The following MYH15 variants were observed in gnomAD, a reference collection of about 807,000 sequenced individuals.
MYH15 encodes the protein myosin-15.
A neutral mutation model predicts 240.5 loss-of-function variants in MYH15; 227 were observed. The ratio of observed to expected loss-of-function variants is 0.94; its 90% CI spans 0.85 to 1.05. MYH15 has a LOEUF of 1.05. MYH15 is among the 50% of genes least tolerant of loss of function. MYH15 has a pLI of 0.00. For missense variants in MYH15, 2,217 were observed against 2,247.5 expected, an observed-to-expected ratio of 0.99 and a Z score of 0.27; for synonymous variants, 785 against 796.7, an observed-to-expected ratio of 0.99 and a Z score of 0.25.
intron 33 of MYH15, among the ~76,000 whole-genome samples, chr3:108,402,329 C>T (rs1043493548): frequency 6.6e-6 from 1 of 152,130 alleles, no homozygotes; most frequent in African/African-American, 2.4e-5. Flanking sequence ...ATTAAGACCA[C>T]GTGGCAAAGT....
At chr3:108,535,515 T>C in the MYH15 span, among the ~76,000 whole-genome samples, 13 of 152,058 alleles carry the variant, frequency 8.5e-5, no homozygotes, top group African/African-American at 1.2e-4. Context: ...TATCATCATA[T>C]TGGGAGTTAG....
rs2082617801 is a variant in MYH15 at position 108,414,361 on chromosome 3, T to C, written c.4016A>G (p.Tyr1339Cys). The change falls in exon 30 of 41, where the codon TAT becomes TGT. Residue 1339 changes from tyrosine to cysteine, a missense_variant. Physicochemically the swap from Tyr to Cys is radical, Grantham distance 194. Transcript: ENST00000693548. ...QRDCDLLREQ[Y>C]EEEQEVKAEL... is the part of the protein sequence containing the mutation. ...AGCCTTGACCTCTTGTTCTTCCTCA[T>C]ACTGCTCTCGTAGAAGGTCACAGTC... is the stretch of plus-strand genomic sequence containing the variant. 6.2e-7 allele frequency: 1 copy of C among 1,614,206 alleles called. No homozygotes were observed. Among genetic ancestry groups the C allele is most frequent in the South Asian group, 1.1e-5 (1 of 91,084 alleles).
At chr3:108,455,696 C>A (rs772469052) in intron 20 of MYH15, 40 bp downstream of exon 20, 4 of 1,604,378 alleles carry the variant, frequency 2.5e-6, no homozygotes, top group Non-Finnish European at 2.6e-6. Flanking sequence ...GTCTTCCCCC[C>A]ATTCGTCTCC....
At chr3:108,519,598 G>A (rs74906043) in intron 1 of MYH15, among the ~76,000 whole-genome samples, 4,312 of 152,220 alleles carry the variant, frequency 0.028, 225 homozygotes, top group African/African-American at 0.098. Flanking sequence ...AACTAAGATC[G>A]AGGGCTATAC....
intron 38 of MYH15, among the ~76,000 whole-genome samples, chr3:108,388,528 C>A (rs545366631): frequency 2.6e-5 from 4 of 152,148 alleles, no homozygotes; most frequent in African/African-American, 9.6e-5. Flanking sequence ...TGAGTGTTTG[C>A]GCAACCAGAA....
At chr3:108,439,175 C>A (rs1253800723) in intron 24 of MYH15, among the ~76,000 whole-genome samples, 2 of 152,080 alleles carry the variant, frequency 1.3e-5, no homozygotes, top group African/African-American at 4.8e-5. Flanking sequence ...AATTATGAAC[C>A]CACACATTGA....
chr3:108,501,881 T>C, intron 2 of MYH15, 26 bp from the exon 3 acceptor site: 3 of 1,608,322 alleles, frequency 1.9e-6, no homozygotes, highest in Non-Finnish European at 1.7e-6. Flanking sequence ...AAATATATGA[T>C]ATATTCCCCT....
At chr3:108,425,372 ATACTT>A (rs990194656) in intron 27 of MYH15, among the ~76,000 whole-genome samples, 1 of 152,226 alleles carries the variant, frequency 6.6e-6, no homozygotes, top group African/African-American at 2.4e-5. Context: ...AATATTCTAA[ATACTT>A]TACAAATATT....
chr3:108,441,740 T>C lies in MYH15; in HGVS notation c.2656-480A>G, dbSNP rs539495976. ...TTTAATATACATCTCTTCTAATAAATTGAGCTGAGTCATATGTTTTTTAAA... is the reference window on the plus strand; with the variant it reads ...TTTAATATACATCTCTTCTAATAAACTGAGCTGAGTCATATGTTTTTTAAA... On this transcript the variant is annotated intron_variant, in intron 22 of 40. Coordinates refer to ENST00000693548, the MANE Select transcript of MYH15 (RefSeq NM_014981.3). Among the ~76,000 whole-genome samples, 4 of 152,356 alleles carry C rather than the reference T, an allele frequency of 2.6e-5. No individual in the cohort carries two copies. The South Asian group carries it at 8.3e-4, about 32-fold the overall frequency.
chr3:108,531,652 CCA>C (rs1360240533), upstream of MYH15, among the ~76,000 whole-genome samples: 1 of 151,912 alleles, frequency 6.6e-6, no homozygotes, highest in Non-Finnish European at 1.5e-5. Flanking sequence ...TGGTGGGCAC[CCA>C]TAGTCCCAGC....
At chr3:108,519,602 G>A (rs1438609676) in intron 1 of MYH15, among the ~76,000 whole-genome samples, 2 of 152,134 alleles carry the variant, frequency 1.3e-5, no homozygotes, top group African/African-American at 2.4e-5. Flanking sequence ...AAGATCGAGG[G>A]CTATACTTTT....
chr3:108,542,233 T>C, the MYH15 span, among the ~76,000 whole-genome samples: 1 of 152,176 alleles, frequency 6.6e-6, no homozygotes, highest in Non-Finnish European at 1.5e-5. Flanking sequence ...ACATTTATTA[T>C]AATTAACGAA....
intron 35 of MYH15, among the ~76,000 whole-genome samples, chr3:108,397,254 T>G (rs1332293578): frequency 1.3e-5 from 2 of 152,172 alleles, no homozygotes; most frequent in Non-Finnish European, 2.9e-5. Flanking sequence ...TATCTCAGCA[T>G]GATTTCTGAT....
chr3:108,549,179 A>T, the MYH15 span, among the ~76,000 whole-genome samples: 3 of 152,138 alleles, frequency 2.0e-5, no homozygotes, highest in East Asian at 5.8e-4. Flanking sequence ...GGAAATGGAC[A>T]TGCATACACA....
At chr3:108,496,034 A>G (rs149561120) in intron 6 of MYH15, among the ~76,000 whole-genome samples, 162 bp from the exon 7 acceptor site, 2 of 152,340 alleles carry the variant, frequency 1.3e-5, no homozygotes, top group East Asian at 3.9e-4. Flanking sequence ...GAGAAATCAG[A>G]AAAACAGTTG....
the MYH15 span, among the ~76,000 whole-genome samples, chr3:108,535,420 G>A: frequency 6.6e-6 from 1 of 152,150 alleles, no homozygotes; most frequent in Non-Finnish European, 1.5e-5. Flanking sequence ...GGTCTCTCTT[G>A]AGCCTCTTTT....
intron 11 of MYH15, among the ~76,000 whole-genome samples, chr3:108,484,855 C>T (rs2083293226): frequency 6.6e-6 from 1 of 152,102 alleles, no homozygotes; most frequent in Non-Finnish European, 1.5e-5. Context: ...TCTCCTTCAC[C>T]CAAGTTTAGC....
At position 108,509,430 on chromosome 3, in the gene MYH15, TTC is replaced by T. The variant is rs1295433878; in HGVS notation, c.88+1011_88+1012del. ...TGACCAGTTCTGACCTCAGGGATAG[TTC>T]TGTTATCGTATTTGATTTGATGGAT... On this transcript the variant is annotated intron_variant, in intron 1 of 40. Coordinates refer to ENST00000693548, the MANE Select transcript of MYH15 (RefSeq NM_014981.3). 3.3e-5 allele frequency among the ~76,000 whole-genome samples: 5 copies of T among 152,306 alleles called. No homozygotes were observed. In the East Asian group the frequency reaches 9.7e-4, roughly 29 times the overall value.
intron 24 of MYH15, 108 bp from the exon 25 acceptor site, chr3:108,437,807 A>G: frequency 1.7e-6 from 2 of 1,150,034 alleles, no homozygotes; most frequent in South Asian, 1.8e-5. Context: ...ACAAGCACAA[A>G]TTCTATAAAT....
Sources: allele counts gnomAD v4.1 joint callset (sites outside exome capture counted in the v4.1 genomes callset), GRCh38; gene constraint gnomAD v4.1.1; transcripts MANE v1.5; gene names NCBI Gene and HGNC (gene_info 2026-07-23, HGNC 2026-07-21).